Variants in PRKCB observed in about 807,000 individuals in gnomAD.
The protein encoded by PRKCB is protein kinase C beta, also known as protein kinase C beta type.
Under a neutral mutation model 81.5 loss-of-function variants are expected in PRKCB, and 13 were observed. The observed-to-expected ratio is 0.16, with a 90% CI of 0.10 to 0.25. PRKCB has a LOEUF of 0.25. Among genes scored for constraint, PRKCB ranks in the 10% least tolerant of loss-of-function variants. The probability of loss-of-function intolerance (pLI) is 1.00; values close to 1 mark genes in which losing one functional copy is unlikely to be tolerated. For missense variants in PRKCB, 509 were observed against 875.7 expected, an observed-to-expected ratio of 0.58 and a Z score of 5.29; for synonymous variants, 335 against 321.4, an observed-to-expected ratio of 1.04 and a Z score of -0.45.
intron 9 of PRKCB, among the ~76,000 whole-genome samples, chr16:24,130,025 G>A (rs571383304): frequency 4.7e-4 from 72 of 152,206 alleles, no homozygotes; most frequent in Non-Finnish European, 9.6e-4. Flanking sequence ...GTCCATCAAC[G>A]CTTTTTTAAT....
At chr16:23,842,891 T>G (rs1400032214) in intron 2 of PRKCB, among the ~76,000 whole-genome samples, 1 of 152,224 alleles carries the variant, frequency 6.6e-6, no homozygotes, top group Non-Finnish European at 1.5e-5. Flanking sequence ...TAATTTTATT[T>G]TCTATGGAAA....
intron 2 of PRKCB, among the ~76,000 whole-genome samples, chr16:23,932,311 G>C (rs1963989636): frequency 1.3e-5 from 2 of 152,142 alleles, no homozygotes. Context: ...TTACTGGGTG[G>C]GATAATGGAA....
chr16:24,023,337 A>AG (rs1453745461), intron 3 of PRKCB, among the ~76,000 whole-genome samples: 7 of 152,222 alleles, frequency 4.6e-5, no homozygotes, highest in Non-Finnish European at 1.0e-4. Context: ...AAGGCTAGGA[A>AG]GGGAATGTAT....
chr16:24,002,532 G>T (rs947874672), intron 3 of PRKCB, among the ~76,000 whole-genome samples: 4 of 151,998 alleles, frequency 2.6e-5, no homozygotes, highest in Non-Finnish European at 5.9e-5. Flanking sequence ...TAGAGACGGG[G>T]TTTCACCATG....
intron 6 of PRKCB, among the ~76,000 whole-genome samples, chr16:24,093,149 T>A (rs1487614816): frequency 1.3e-5 from 2 of 152,114 alleles, no homozygotes; most frequent in Non-Finnish European, 2.9e-5. Flanking sequence ...GAAAAAAAAT[T>A]AGAGCTATTT....
intron 2 of PRKCB, among the ~76,000 whole-genome samples, chr16:23,984,443 A>G (rs1964775789): frequency 6.6e-6 from 1 of 152,230 alleles, no homozygotes; most frequent in African/African-American, 2.4e-5. Context: ...AATAAGTAAT[A>G]CAAATACAAG....
intron 3 of PRKCB, among the ~76,000 whole-genome samples, chr16:23,999,956 C>T (rs1275097597): frequency 2.6e-5 from 4 of 152,128 alleles, no homozygotes; most frequent in Non-Finnish European, 4.4e-5. Flanking sequence ...ATTTGGCTCT[C>T]GTCCATGTGG....
Position 24,217,229 on chromosome 16 carries a change from C to T in PRKCB, c.*2413C>T, listed in dbSNP as rs1180731116. On this transcript the variant is annotated 3_prime_UTR_variant, in exon 17 of 17. Coordinates refer to ENST00000643927, the MANE Select transcript of PRKCB (RefSeq NM_002738.7). ...CACTCAACATTTTCCAAATTCTTGCCATTATTTTTCAAAAGTTTAATAGTT... is the reference window on the plus strand; with the variant it reads ...CACTCAACATTTTCCAAATTCTTGCTATTATTTTTCAAAAGTTTAATAGTT... 2 of 985,126 alleles carry T rather than the reference C, an allele frequency of 2.0e-6. No homozygotes were observed. Among genetic ancestry groups the T allele is most frequent in the African/African-American group, 3.5e-5 (2 of 57,190 alleles). The allele number at this position is 985,126 out of a possible 1,614,324, so 61.0% of individuals were successfully genotyped here.
chr16:23,950,745 T>C (rs1488915910), intron 2 of PRKCB, among the ~76,000 whole-genome samples: 2 of 152,218 alleles, frequency 1.3e-5, no homozygotes, highest in Non-Finnish European at 2.9e-5. Context: ...TTCAGGCTGG[T>C]GCCTCTTTGC....
intron 3 of PRKCB, among the ~76,000 whole-genome samples, chr16:24,019,657 CG>C (rs1055074518): frequency 6.6e-6 from 1 of 151,250 alleles, no homozygotes; most frequent in Non-Finnish European, 1.5e-5. Context: ...CCAGACACTT[CG>C]GGGGCTGAGG....
At position 24,216,483 on chromosome 16, in the gene PRKCB, T is replaced by A; in HGVS notation, c.*1667T>A. 1.0e-6 allele frequency: 1 copy of A among 985,404 alleles called. No individual in the cohort carries two copies. Among genetic ancestry groups the A allele is most frequent in the African/African-American group, 1.7e-5 (1 of 57,350 alleles). The allele number at this position is 985,404 out of a possible 1,614,324, so 61.0% of individuals were successfully genotyped here. On this transcript the variant is annotated 3_prime_UTR_variant, in exon 17 of 17. Transcript: ENST00000643927. ...ATTCTCAGGCAGCTCTAAGGAGAAT[T>A]CTTATCACAGTTCAAGTGATTTCCA...
chr16:23,918,985 T>C (rs1451075339), intron 2 of PRKCB, among the ~76,000 whole-genome samples: 1 of 152,218 alleles, frequency 6.6e-6, no homozygotes, highest in South Asian at 2.1e-4. Context: ...AAGGAACTTG[T>C]CATGGCTCAA....
intron 2 of PRKCB, among the ~76,000 whole-genome samples, chr16:23,966,086 G>C (rs995798241): frequency 4.6e-5 from 7 of 152,218 alleles, no homozygotes; most frequent in African/African-American, 1.7e-4. Context: ...CTCTGCTCTT[G>C]AAGCACCTTC....
In PRKCB at chr16:24,220,097, T is replaced by C; in HGVS notation, c.*5281T>C. On this transcript the variant is annotated 3_prime_UTR_variant, in exon 17 of 17. Coordinates refer to ENST00000643927, the MANE Select transcript of PRKCB (RefSeq NM_002738.7). ...GGCTTCTCTTATACTAACCCAGAGT[T>C]TGTCATTAATGTGTAGGTGAATGCA... The C allele has an allele frequency of 6.2e-7, 1 of 1,614,046 alleles. No individual in the cohort carries two copies. Among genetic ancestry groups the C allele is most frequent in the Non-Finnish European group, 8.5e-7 (1 of 1,179,964 alleles).
At chr16:23,913,653 G>A (rs1963695164) in intron 2 of PRKCB, among the ~76,000 whole-genome samples, 1 of 152,162 alleles carries the variant, frequency 6.6e-6, no homozygotes, top group South Asian at 2.1e-4. Flanking sequence ...TTAGGAGAGG[G>A]GAAAAAATAA....
intron 5 of PRKCB, among the ~76,000 whole-genome samples, chr16:24,075,429 T>C (rs1013510448): frequency 2.0e-5 from 3 of 152,118 alleles, no homozygotes; most frequent in Non-Finnish European, 4.4e-5. Flanking sequence ...GGGCTAGGAT[T>C]TTTAAGGGTT....
intron 3 of PRKCB, among the ~76,000 whole-genome samples, chr16:24,021,789 G>A (rs1396674938): frequency 6.6e-6 from 1 of 152,138 alleles, no homozygotes; most frequent in Non-Finnish European, 1.5e-5. Context: ...CAGGATAACA[G>A]TCTAACTCCT....
At chr16:24,195,721 G>C (rs1967868291) in intron 16 of PRKCB, among the ~76,000 whole-genome samples, 1 of 152,100 alleles carries the variant, frequency 6.6e-6, no homozygotes, top group South Asian at 2.1e-4. Flanking sequence ...TGTTGCTTTT[G>C]CTTTAAAACA....
intron 9 of PRKCB, among the ~76,000 whole-genome samples, chr16:24,149,777 T>G (rs1276799407): frequency 6.6e-6 from 1 of 152,218 alleles, no homozygotes; most frequent in Non-Finnish European, 1.5e-5. Flanking sequence ...CTTCATGTAT[T>G]TTAATTATTA....
Sources: gnomAD v4.1 joint callset for allele counts (sites outside exome capture counted in the v4.1 genomes callset) on GRCh38, gnomAD v4.1.1 for gene constraint, MANE v1.5 for transcripts, NCBI Gene and HGNC (gene_info 2026-07-23, HGNC 2026-07-21) for gene names.